TTC13: variants seen among roughly 807,000 people sequenced by gnomAD.
The protein encoded by TTC13 is tetratricopeptide repeat domain 13.
TTC13 carries 62 observed loss-of-function variants against 120.0 expected under a neutral mutation model. That is an observed-to-expected ratio of 0.52 (90% CI 0.42 to 0.64). The LOEUF (loss-of-function observed/expected upper bound fraction) is 0.64, where lower values mean the gene tolerates loss of function less well. Ranked by LOEUF, TTC13 falls within the 30% of genes least tolerant of loss-of-function variation. TTC13 has a pLI of 0.00. For synonymous variants in TTC13, 384 were observed against 393.5 expected, an observed-to-expected ratio of 0.98 and a Z score of 0.28; for missense variants, 824 against 1,050.2, an observed-to-expected ratio of 0.78 and a Z score of 2.98.
chr1:230,944,346 T>C lies in TTC13; in HGVS notation c.580-448A>G, dbSNP rs1000446981. Among the ~76,000 whole-genome samples, 1 of 152,214 alleles carries C rather than the reference T, an allele frequency of 6.6e-6. No individual in the cohort carries two copies. The highest frequency in any genetic ancestry group is 1.5e-5 in the Non-Finnish European group (1 of 68,032). ...AAGTTTAGGTACATTCTCTTTAACA[T>C]TTGCACATTATTTTTACATTAAAAA... On this transcript the variant is annotated intron_variant, in intron 5 of 22. Coordinates refer to ENST00000366661, the MANE Select transcript of TTC13 (RefSeq NM_024525.5). The surrounding 1 kb of genome is among the most constrained non-coding windows in gnomAD (Gnocchi z 4.0).
chr1:230,943,971 C>T (rs904349747), intron 5 of TTC13, 73 bp from the exon 6 acceptor site: 2 of 998,280 alleles, frequency 2.0e-6, no homozygotes, highest in African/African-American at 3.3e-5. Flanking sequence ...TCTGAGAAAA[C>T]TAATAATTTA....
At chr1:230,923,031 C>G (rs529849102) in intron 15 of TTC13, among the ~76,000 whole-genome samples, 1 of 152,242 alleles carries the variant, frequency 6.6e-6, no homozygotes, top group East Asian at 1.9e-4. Context: ...AATAAATATA[C>G]ATACAAATTA....
chr1:230,975,568 T>C (rs1678203512), intron 1 of TTC13, among the ~76,000 whole-genome samples: 1 of 152,246 alleles, frequency 6.6e-6, no homozygotes, highest in Non-Finnish European at 1.5e-5. Context: ...TTTTAAAATA[T>C]GTACAATACA....
intron 17 of TTC13, among the ~76,000 whole-genome samples, chr1:230,917,854 T>A (rs1188856205): frequency 6.6e-6 from 1 of 152,216 alleles, no homozygotes; most frequent in Admixed American, 6.5e-5. Context: ...AATGCCTAAC[T>A]AGAATACCCA....
chr1:230,945,340 G>A (rs755426542), intron 5 of TTC13, 49 bp downstream of exon 5: 2 of 1,524,582 alleles, frequency 1.3e-6, no homozygotes, highest in Non-Finnish European at 1.8e-6. Flanking sequence ...ACCCTGGTCT[G>A]TGTCAGGTCA....
chr1:230,927,569 G>A (rs1203063309), intron 12 of TTC13, among the ~76,000 whole-genome samples: 1 of 152,022 alleles, frequency 6.6e-6, no homozygotes, highest in South Asian at 2.1e-4. Flanking sequence ...TTAATTTGTA[G>A]TGATACTTCA....
intron 4 of TTC13, among the ~76,000 whole-genome samples, chr1:230,949,871 A>T (rs538809050): frequency 6.6e-6 from 1 of 151,522 alleles, no homozygotes; most frequent in East Asian, 1.9e-4. Context: ...GGATAGTCTC[A>T]ATCTCCTGAC....
intron 11 of TTC13, 66 bp downstream of exon 11, chr1:230,931,232 T>G: frequency 6.5e-7 from 1 of 1,536,802 alleles, no homozygotes; most frequent in Non-Finnish European, 8.9e-7. Flanking sequence ...CATAAAAGAG[T>G]CAAGCAATAT....
intron 1 of TTC13, among the ~76,000 whole-genome samples, chr1:230,970,014 A>G (rs1361108820): frequency 6.6e-6 from 1 of 152,220 alleles, no homozygotes; most frequent in Non-Finnish European, 1.5e-5. Context: ...TACAAGGCAC[A>G]CTGTGCCCAC....
chr1:230,921,544 G>C (rs1213686481), intron 15 of TTC13, 40 bp from the exon 16 acceptor site: 2 of 1,027,578 alleles, frequency 1.9e-6, no homozygotes, highest in Non-Finnish European at 2.8e-6. Flanking sequence ...TATTTTTATA[G>C]AAGAATATGC....
chr1:230,955,826 GC>G (rs1455612006), intron 3 of TTC13, among the ~76,000 whole-genome samples: 1 of 152,064 alleles, frequency 6.6e-6, no homozygotes, highest in Non-Finnish European at 1.5e-5. Context: ...TAAAAAGAGA[GC>G]CCTTTTGCCC....
intron 3 of TTC13, chr1:230,956,365 T>C: frequency 4.8e-6 from 1 of 208,342 alleles, no homozygotes; most frequent in South Asian, 6.3e-5. Context: ...TGCAGGAAGA[T>C]GACGATTTGA....
At chr1:230,971,575 AT>A (rs1186241453) in intron 1 of TTC13, among the ~76,000 whole-genome samples, 34 of 152,338 alleles carry the variant, frequency 2.2e-4, no homozygotes, top group African/African-American at 7.5e-4. Context: ...TTATTAAATT[AT>A]AAAGTAAACA....
chr1:230,919,016 T>A (rs955132891), intron 17 of TTC13, among the ~76,000 whole-genome samples: 5 of 152,222 alleles, frequency 3.3e-5, no homozygotes, highest in African/African-American at 1.2e-4. Context: ...CACACAGTTA[T>A]AATTCTTAAT....
In TTC13 at chr1:230,978,787, C is replaced by T. The variant is rs1230549948; in HGVS notation, c.44G>A (p.Gly15Asp). ...GGCGGCGCCCGCGGCGGCCACAGCG[C>T]CGCCCCAGAAGCAGCAGCAGCAGCA... Reference protein sequence around the residue: ...GCCCCCCFWGGAVAAAGAARR... With the variant: ...GCCCCCCFWGDAVAAAGAARR... Residue 15 changes from glycine (G) to aspartate (D), a missense_variant, in exon 1 of 23, where the codon GGC becomes GAC. Around this residue, in one of 4 missense-constraint regions of TTC13, gnomAD observed 160 missense variants for 137.2 expected, o/e 1.17. Transcript: ENST00000366661. The surrounding 1 kb of genome is among the most constrained non-coding windows in gnomAD (Gnocchi z 5.6). The T allele has an allele frequency of 2.0e-6, 3 of 1,499,052 alleles. No homozygotes were observed. The South Asian group carries it at 3.7e-5, about 19-fold the overall frequency. The allele number at this position is 1,499,052 out of a possible 1,614,324, so 92.9% of individuals were successfully genotyped here.
At chr1:230,967,390 A>T (rs933065000) in intron 1 of TTC13, among the ~76,000 whole-genome samples, 2 of 140,724 alleles carry the variant, frequency 1.4e-5, no homozygotes, top group African/African-American at 5.0e-5. Context: ...TAAAAGAAGT[A>T]TTTTCCTATT....
chr1:230,945,396 C>A lies in TTC13; in HGVS notation c.572G>T (p.Gly191Val). 6.2e-7 allele frequency: 1 copy of A among 1,613,966 alleles called. No homozygotes were observed. The highest frequency in any genetic ancestry group is 8.5e-7 in the Non-Finnish European group (1 of 1,179,882). ...YGRGIAYGKKGLHDIKNAELA... is the reference protein window; with the variant it reads ...YGRGIAYGKKVLHDIKNAELA... ...TAACTATTACATACTCACATGTAGT[C>A]CCTTCTTTCCATAGGCTATCCCTCG... The change falls in exon 5 of 23, where the codon GGA (glycine) becomes GTA (valine). Residue 191 changes from glycine to valine, a missense_variant. Transcript: ENST00000366661.
At chr1:230,949,527 C>A (rs1301703205) in intron 4 of TTC13, among the ~76,000 whole-genome samples, 1 of 151,216 alleles carries the variant, frequency 6.6e-6, no homozygotes, top group East Asian at 2.0e-4. Context: ...CACAGAGGCC[C>A]TCGCACGGGC....
chr1:230,974,757 A>G (rs541208212), intron 1 of TTC13, among the ~76,000 whole-genome samples: 32 of 152,312 alleles, frequency 2.1e-4, no homozygotes, highest in Admixed American at 2.1e-3. Flanking sequence ...CAGGGTCCAA[A>G]ATACTAAGTA....
Sources: gnomAD v4.1 joint callset for allele counts (sites outside exome capture counted in the v4.1 genomes callset) on GRCh38, gnomAD v4.1.1 for gene constraint, gnomAD v4.1.1 regional missense constraint, Gnocchi (gnomAD v3.1) non-coding constraint, MANE v1.5 for transcripts, NCBI Gene and HGNC (gene_info 2026-07-23, HGNC 2026-07-21) for gene names.